The following SNX29 variants were observed in gnomAD, a reference collection of about 807,000 sequenced individuals.
SNX29 encodes the protein sorting nexin 29.
A neutral mutation model predicts 102.1 loss-of-function variants in SNX29; 78 were observed. The observed-to-expected ratio is 0.76, with a 90% CI of 0.64 to 0.92. SNX29 has a LOEUF of 0.92. SNX29 is among the 40% of genes least tolerant of loss of function. The pLI is 0.00. For synonymous variants in SNX29, 580 were observed against 414.5 expected (o/e 1.40, Z -4.85); for missense variants, 1,280 against 1,061.7 (o/e 1.21, Z -2.86).
At chr16:12,487,299 G>T (rs955064730) in intron 19 of SNX29, among the ~76,000 whole-genome samples, 20 of 152,168 alleles carry the variant, frequency 1.3e-4, no homozygotes, top group African/African-American at 4.8e-4. Context: ...GGGTGAGCCC[G>T]ACATGGATGG....
At chr16:12,301,132 A>G (rs559722404) in intron 15 of SNX29, among the ~76,000 whole-genome samples, 2 of 152,298 alleles carry the variant, frequency 1.3e-5, no homozygotes, top group East Asian at 1.9e-4. Flanking sequence ...CACTGTCTAC[A>G]TCTAGTCACT....
chr16:12,372,176 A>G (rs1392017534), intron 16 of SNX29, among the ~76,000 whole-genome samples: 1 of 152,192 alleles, frequency 6.6e-6, no homozygotes, highest in Non-Finnish European at 1.5e-5. Context: ...TCTATTTTTA[A>G]CACAAATGGG....
At chr16:12,476,789 A>G (rs575043554) in intron 18 of SNX29, among the ~76,000 whole-genome samples, 8 of 152,242 alleles carry the variant, frequency 5.3e-5, no homozygotes, top group South Asian at 4.1e-4. Flanking sequence ...GTTTGAACAC[A>G]TAATGTCTGT....
At chr16:12,532,084 CAT>C (rs1187848761) in intron 20 of SNX29, among the ~76,000 whole-genome samples, 1 of 152,198 alleles carries the variant, frequency 6.6e-6, no homozygotes. Flanking sequence ...AGGACAGGAA[CAT>C]GTGGGAGAGA....
intron 14 of SNX29, among the ~76,000 whole-genome samples, chr16:12,243,870 A>G (rs4781199): frequency 0.01 from 1,536 of 152,316 alleles, 75 homozygotes; most frequent in Admixed American, 0.086. Flanking sequence ...AAAACTTTGT[A>G]TCTTTGCATA....
intron 20 of SNX29, among the ~76,000 whole-genome samples, chr16:12,556,838 T>G (rs1023454752): frequency 6.6e-6 from 1 of 152,000 alleles, no homozygotes; most frequent in Non-Finnish European, 1.5e-5. Context: ...GAACAGAAGT[T>G]TGATGGTGGA....
At chr16:12,052,259 C>A (rs1203592177) in intron 8 of SNX29, 37 bp downstream of exon 8, 1 of 1,610,698 alleles carries the variant, frequency 6.2e-7, no homozygotes, top group Non-Finnish European at 8.5e-7. Context: ...CACCGTCCCC[C>A]AGGCTGGAGT....
chr16:12,240,512 G>T (rs1395733377), intron 14 of SNX29, among the ~76,000 whole-genome samples: 1 of 143,456 alleles, frequency 7.0e-6, no homozygotes. Flanking sequence ...TTTTCTGTCG[G>T]TTTTTGTTTC....
intron 14 of SNX29, among the ~76,000 whole-genome samples, chr16:12,225,803 A>C (rs1214602789): frequency 7.1e-6 from 1 of 140,858 alleles, no homozygotes; most frequent in African/African-American, 3.3e-5. Context: ...TCATGTGTTA[A>C]AAAAATGTGT....
chr16:12,027,111 C>T (rs550621097), intron 3 of SNX29, among the ~76,000 whole-genome samples: 40 of 152,302 alleles, frequency 2.6e-4, no homozygotes, highest in African/African-American at 9.1e-4. Flanking sequence ...CTGTGCTGGG[C>T]ATCCTGAGCT....
chr16:12,468,302 G>A (rs558677043), intron 18 of SNX29, among the ~76,000 whole-genome samples: 4 of 150,002 alleles, frequency 2.7e-5, no homozygotes, highest in South Asian at 4.2e-4. Flanking sequence ...AGCCTCCCGA[G>A]TACCTGGGAT....
chr16:12,038,282 C>G (rs1011447872), intron 4 of SNX29, among the ~76,000 whole-genome samples: 3 of 152,176 alleles, frequency 2.0e-5, no homozygotes, highest in Admixed American at 6.6e-5. Context: ...GAATTTGGGA[C>G]AAGGTTTTTG....
chr16:12,180,276 G>C (rs894876616), intron 13 of SNX29, among the ~76,000 whole-genome samples: 1 of 151,864 alleles, frequency 6.6e-6, no homozygotes. Context: ...TTAATGTTCT[G>C]AGTTTGGTTA....
intron 13 of SNX29, among the ~76,000 whole-genome samples, chr16:12,145,274 T>A (rs1294026508): frequency 6.6e-6 from 1 of 152,080 alleles, no homozygotes; most frequent in Non-Finnish European, 1.5e-5. Flanking sequence ...GAGTCCCAAA[T>A]CCCATGACTG....
intron 20 of SNX29, among the ~76,000 whole-genome samples, chr16:12,556,046 G>C (rs9930337): frequency 5.9e-5 from 9 of 151,894 alleles, no homozygotes; most frequent in Non-Finnish European, 1.0e-4. Context: ...GCTGAGTGAC[G>C]CTTAAAGGGT....
At chr16:12,275,299 G>A (rs916205155) in intron 14 of SNX29, among the ~76,000 whole-genome samples, 1 of 152,134 alleles carries the variant, frequency 6.6e-6, no homozygotes, top group Non-Finnish European at 1.5e-5. Flanking sequence ...TGGGGCTGGG[G>A]AGAGGGAAGA....
chr16:12,128,672 C>G (rs112478583), intron 12 of SNX29, among the ~76,000 whole-genome samples: 2,364 of 152,176 alleles, frequency 0.016, 52 homozygotes, highest in African/African-American at 0.054. Context: ...AGGCTGGTCT[C>G]AAACTCCTGA....
chr16:12,050,956 G>T (rs1174574095), intron 7 of SNX29, among the ~76,000 whole-genome samples: 4 of 151,938 alleles, frequency 2.6e-5, no homozygotes, highest in African/African-American at 9.7e-5. Context: ...CCTGACCTCA[G>T]GTGATCCACC....
intron 18 of SNX29, among the ~76,000 whole-genome samples, chr16:12,437,133 G>A (rs1164507271): frequency 1.3e-5 from 2 of 152,274 alleles, no homozygotes; most frequent in Non-Finnish European, 2.9e-5. Context: ...AATCATGGGG[G>A]TTTAAAACTG....
Sources: allele counts gnomAD v4.1 joint callset (sites outside exome capture counted in the v4.1 genomes callset), GRCh38; gene constraint gnomAD v4.1.1; transcripts MANE v1.5; gene names NCBI Gene and HGNC (gene_info 2026-07-23, HGNC 2026-07-21).